The following TRMT9B variants were observed in gnomAD, a reference collection of about 807,000 sequenced individuals.
The protein encoded by TRMT9B is probable tRNA methyltransferase 9B.
A neutral mutation model predicts 11.5 loss-of-function variants in TRMT9B; 16 were observed. The ratio of observed to expected loss-of-function variants is 1.39; its 90% CI spans 0.94 to 2.11. The LOEUF is 2.11. Ranked by LOEUF, TRMT9B falls within the 30% of genes most tolerant of loss-of-function variation. TRMT9B has a pLI of 0.00. For missense variants in TRMT9B, 941 were observed against 553.8 expected (o/e 1.70, Z -7.02); for synonymous variants, 274 against 192.4 (o/e 1.42, Z -3.51).
chr8:13,013,431 T>TGGTTCC (rs1812031620), intron 4 of TRMT9B, among the ~76,000 whole-genome samples: 1 of 152,092 alleles, frequency 6.6e-6, no homozygotes, highest in African/African-American at 2.4e-5. Context: ...GTGTTTCTCA[T>TGGTTCC]ATCCTCCCAA....
At chr8:12,983,122 C>T (rs1805689482) in intron 1 of TRMT9B, among the ~76,000 whole-genome samples, 1 of 152,114 alleles carries the variant, frequency 6.6e-6, no homozygotes, top group African/African-American at 2.4e-5. Flanking sequence ...CCTGCAGATA[C>T]CCCTATGAGT....
At chr8:12,996,646 G>A (rs17784526) in intron 2 of TRMT9B, among the ~76,000 whole-genome samples, 9,399 of 152,222 alleles carry the variant, frequency 0.062, 366 homozygotes, top group African/African-American at 0.11. Flanking sequence ...TCAGTTTTAA[G>A]TTCTAACATG....
chr8:12,984,369 A>G (rs575590630), intron 1 of TRMT9B, among the ~76,000 whole-genome samples: 2 of 152,226 alleles, frequency 1.3e-5, no homozygotes, highest in Admixed American at 6.5e-5. Flanking sequence ...TTACACTAAT[A>G]TATAATTCAT....
intron 1 of TRMT9B, among the ~76,000 whole-genome samples, chr8:12,963,959 C>T (rs185597546): frequency 1.5e-4 from 23 of 152,140 alleles, no homozygotes; most frequent in African/African-American, 5.5e-4. Context: ...TGGTTGATTC[C>T]CAAATATTTA....
In TRMT9B at chr8:13,027,058, A is replaced by G. The variant is rs1396334953; in HGVS notation, c.*5014A>G. 1 of 167,088 alleles carries G rather than the reference A, an allele frequency of 6.0e-6. No homozygotes were observed. Among genetic ancestry groups the G allele is most frequent in the Non-Finnish European group, 1.5e-5 (1 of 68,126 alleles). 10.4% of individuals were successfully genotyped at this position (167,088 alleles called of 1,614,324 possible). A position where few individuals can be genotyped will look rare whatever the true frequency, so the allele number is the denominator to read the frequency against. ...TTTTCTCCAACTCTTCAACCTTTCA[A>G]CAATTATATTATTGTTTTCCCATTT... On this transcript the variant is annotated 3_prime_UTR_variant, in exon 5 of 5. Transcript: ENST00000524591.
intron 1 of TRMT9B, chr8:12,961,894 G>T (rs903231025): frequency 6.6e-6 from 1 of 152,164 alleles, no homozygotes; most frequent in Admixed American, 6.6e-5. Flanking sequence ...CAGGCTTTTA[G>T]CAGGCGAGGA....
intron 2 of TRMT9B, among the ~76,000 whole-genome samples, chr8:13,003,337 G>T (rs1386704124): frequency 2.0e-5 from 3 of 152,136 alleles, no homozygotes; most frequent in Admixed American, 2.0e-4. Flanking sequence ...TGCCAAAATA[G>T]AATAGAATAA....
At chr8:12,999,239 C>T (rs1808922611) in intron 2 of TRMT9B, among the ~76,000 whole-genome samples, 1 of 140,834 alleles carries the variant, frequency 7.1e-6, no homozygotes, top group Admixed American at 7.7e-5. Flanking sequence ...GCGGAGGTTG[C>T]AGTGAGCCAA....
intron 1 of TRMT9B, among the ~76,000 whole-genome samples, chr8:12,965,976 G>A (rs942649317): frequency 4.0e-5 from 6 of 151,134 alleles, no homozygotes; most frequent in Non-Finnish European, 8.8e-5. Context: ...TAGTGCCACC[G>A]CACCCCAGCC....
At chr8:12,966,577 T>G (rs2128866043) in intron 1 of TRMT9B, among the ~76,000 whole-genome samples, 1 of 152,344 alleles carries the variant, frequency 6.6e-6, no homozygotes, top group South Asian at 2.1e-4. Flanking sequence ...TACAGCTATT[T>G]CTATTGTTTA....
chr8:13,004,167 G>A (rs559813973), intron 2 of TRMT9B, among the ~76,000 whole-genome samples: 4 of 152,002 alleles, frequency 2.6e-5, no homozygotes, highest in Non-Finnish European at 4.4e-5. Flanking sequence ...CTTGAGTTCC[G>A]GCAGGCCTCA....
intron 1 of TRMT9B, among the ~76,000 whole-genome samples, chr8:12,970,662 G>T (rs554430341): frequency 6.6e-6 from 1 of 152,184 alleles, no homozygotes; most frequent in Non-Finnish European, 1.5e-5. Context: ...ATGGATTAAG[G>T]TCCTAAAAAT....
At chr8:13,005,260 G>C (rs1437897057) in intron 2 of TRMT9B, among the ~76,000 whole-genome samples, 2 of 152,118 alleles carry the variant, frequency 1.3e-5, no homozygotes, top group Non-Finnish European at 2.9e-5. Context: ...CATGGTTATA[G>C]AGAGTAGAAG....
At chr8:12,974,100 A>G (rs1804052624) in intron 1 of TRMT9B, among the ~76,000 whole-genome samples, 1 of 152,098 alleles carries the variant, frequency 6.6e-6, no homozygotes, top group Admixed American at 6.5e-5. Context: ...GAGCCCAGGA[A>G]TTCAAGGCTT....
At chr8:12,994,941 C>G (rs912140304) in intron 2 of TRMT9B, among the ~76,000 whole-genome samples, 2 of 152,208 alleles carry the variant, frequency 1.3e-5, no homozygotes, top group South Asian at 2.1e-4. Context: ...CTCGGCCTCC[C>G]AAAGTGCTGG....
rs75377133 is a variant in TRMT9B at position 13,021,507 on chromosome 8, T to G, written c.828T>G (p.Val276=). 1.9e-6 allele frequency: 3 copies of G among 1,613,608 alleles called. No homozygotes were observed. Among genetic ancestry groups the G allele is most frequent in the East Asian group, 4.5e-5 (2 of 44,862 alleles). ...ERVRPLKNTE[V]WASSTVTVQP... is the part of the protein sequence containing the mutation. The stretch of plus-strand genomic sequence containing the variant: ...TAAGACCCTTGAAAAACACAGAAGT[T>G]TGGGCCAGTAGCACTGTAACAGTCC... The change falls in exon 5 of 5, where the codon GTT becomes GTG. Residue 276 remains valine (V), a synonymous_variant. Transcript: ENST00000524591.
intron 1 of TRMT9B, among the ~76,000 whole-genome samples, chr8:12,981,941 T>TA (rs1456620443): frequency 2.0e-5 from 3 of 152,340 alleles, no homozygotes; most frequent in African/African-American, 7.2e-5. Flanking sequence ...CAGTTCTTCA[T>TA]AAATTCTGTT....
intron 1 of TRMT9B, chr8:12,962,132 C>G (rs2977075): frequency 2.0e-5 from 3 of 152,424 alleles, no homozygotes; most frequent in African/African-American, 7.2e-5. Flanking sequence ...TAGCTTTCCT[C>G]TGCAGGAAGC....
In TRMT9B at chr8:13,026,438, T is replaced by C. The variant is rs1814697307; in HGVS notation, c.*4394T>C. On this transcript the variant is annotated 3_prime_UTR_variant, in exon 5 of 5. Transcript: ENST00000524591. ...CCGGGGCTTGTATATAGATTATAAA[T>C]ATATAAGGGGGAAAGGGGTGGGGGG... 1 of 131,084 alleles carries C rather than the reference T, an allele frequency of 7.6e-6. No homozygotes were observed. The highest frequency in any genetic ancestry group is 1.6e-5 in the Non-Finnish European group (1 of 61,348). The allele number at this position is 131,084 out of a possible 1,614,324, so 8.1% of individuals were successfully genotyped here. A position where few individuals can be genotyped will look rare whatever the true frequency, so the allele number is the denominator to read the frequency against.
Sources: allele counts gnomAD v4.1 joint callset (sites outside exome capture counted in the v4.1 genomes callset), GRCh38; gene constraint gnomAD v4.1.1; transcripts MANE v1.5; gene names NCBI Gene and HGNC (gene_info 2026-07-23, HGNC 2026-07-21).